Variants in AGAP1 observed in about 807,000 individuals in gnomAD.
AGAP1 encodes the protein ArfGAP with GTPase domain, ankyrin repeat and PH domain 1, also known as arf-GAP with GTPase, ANK repeat and PH domain-containing protein 1.
AGAP1 carries 29 observed loss-of-function variants against 105.3 expected under a neutral mutation model. The ratio of observed to expected loss-of-function variants is 0.28; its 90% CI spans 0.21 to 0.38. The LOEUF (loss-of-function observed/expected upper bound fraction) is 0.38, where lower values mean the gene tolerates loss of function less well. Ranked by LOEUF, AGAP1 falls within the 10% of genes least tolerant of loss-of-function variation. The probability of loss-of-function intolerance (pLI) is 1.00; values close to 1 mark genes in which losing one functional copy is unlikely to be tolerated. For missense variants in AGAP1, 998 were observed against 1,165.1 expected, an observed-to-expected ratio of 0.86 and a Z score of 2.09; for synonymous variants, 509 against 485.9, an observed-to-expected ratio of 1.05 and a Z score of -0.63.
intron 16 of AGAP1, among the ~76,000 whole-genome samples, chr2:236,106,496 C>A (rs1377564344): frequency 6.6e-6 from 1 of 152,238 alleles, no homozygotes. Flanking sequence ...GTGATGGGCA[C>A]CACACTTCTT....
chr2:235,849,440 A>AT (rs1225896421), intron 9 of AGAP1, among the ~76,000 whole-genome samples: 1 of 151,286 alleles, frequency 6.6e-6, no homozygotes, highest in Non-Finnish European at 1.5e-5. Context: ...AGTGGTGTAG[A>AT]TGATAGAAAC....
In AGAP1 at chr2:235,720,036, C is replaced by G. The variant is rs780679242; in HGVS notation, c.310+2392C>G. Among the ~76,000 whole-genome samples, 9 of 152,190 alleles carry G rather than the reference C, an allele frequency of 5.9e-5. No individual in the cohort carries two copies. Among genetic ancestry groups the G allele is most frequent in the Non-Finnish European group, 1.2e-4 (8 of 68,038 alleles). ...AGACCAGGGAATGGACTTCTACTTC[C>G]TGTTCATGTGACTGTGTGCCTCATG... is the stretch of plus-strand genomic sequence containing the variant. On this transcript the variant is annotated intron_variant, in intron 3 of 17. Transcript: ENST00000304032. The surrounding 1 kb of genome is among the most constrained non-coding windows in gnomAD (Gnocchi z 5.0).
At chr2:235,755,116 G>C (rs911263369) in intron 6 of AGAP1, among the ~76,000 whole-genome samples, 1 of 152,136 alleles carries the variant, frequency 6.6e-6, no homozygotes, top group African/African-American at 2.4e-5. Context: ...GGGCGGGCTG[G>C]ATGTGCGGAC....
intron 9 of AGAP1, among the ~76,000 whole-genome samples, chr2:235,847,789 C>T (rs534730059): frequency 2.0e-5 from 3 of 152,320 alleles, no homozygotes; most frequent in African/African-American, 7.2e-5. Context: ...CCAAGCCAAG[C>T]TCCCTGGGGC....
intron 1 of AGAP1, among the ~76,000 whole-genome samples, chr2:235,579,664 T>C (rs1311560027): frequency 6.6e-6 from 1 of 151,762 alleles, no homozygotes; most frequent in African/African-American, 2.4e-5. Context: ...TAGTCCCAGC[T>C]ACTCGGGAGG....
At chr2:235,892,016 T>A (rs1318949625) in intron 10 of AGAP1, among the ~76,000 whole-genome samples, 1 of 152,128 alleles carries the variant, frequency 6.6e-6, no homozygotes, top group South Asian at 2.1e-4. Context: ...TAACCAGGTG[T>A]GCTGGTGGGT....
chr2:235,632,149 G>A (rs1168033466), intron 1 of AGAP1, among the ~76,000 whole-genome samples: 1 of 152,216 alleles, frequency 6.6e-6, no homozygotes, highest in African/African-American at 2.4e-5. Flanking sequence ...TAGCATACAA[G>A]GTGAGAATGT....
chr2:235,737,572 G>A lies in AGAP1; in HGVS notation c.311-3391G>A, dbSNP rs924230534. Among the ~76,000 whole-genome samples, 4 of 152,172 alleles carry A rather than the reference G, an allele frequency of 2.6e-5. No individual in the cohort carries two copies. Among genetic ancestry groups the A allele is most frequent in the Non-Finnish European group, 5.9e-5 (4 of 68,024 alleles). On this transcript the variant is annotated intron_variant, in intron 3 of 17. Transcript: ENST00000304032. This position sits in a 1 kb window ranked among gnomAD's most constrained non-coding sequence, Gnocchi z 4.5. ...CTTGAATATTGTGATTCAGCCACCT[G>A]GAAGCTTCACTTGTGAACGTGACTC...
At chr2:235,684,578 G>A (rs1949279364) in intron 1 of AGAP1, among the ~76,000 whole-genome samples, 1 of 152,142 alleles carries the variant, frequency 6.6e-6, no homozygotes, top group Non-Finnish European at 1.5e-5. Flanking sequence ...CATTCATCAG[G>A]TGCAGAGCAG....
chr2:235,658,821 C>T (rs1947855113), intron 1 of AGAP1, among the ~76,000 whole-genome samples: 1 of 152,216 alleles, frequency 6.6e-6, no homozygotes, highest in African/African-American at 2.4e-5. Context: ...TTACCCCAAT[C>T]AGCCTTGAGT....
At position 235,979,731 on chromosome 2, in the gene AGAP1, A is replaced by G. The variant is rs1016967508; in HGVS notation, c.1645+11108A>G. ...GGGCTTTGCTGCAATATGAAAATCTATCAAATGGGTAAAATCAATGACATT... is the reference window on the plus strand; with the variant it reads ...GGGCTTTGCTGCAATATGAAAATCTGTCAAATGGGTAAAATCAATGACATT... On this transcript the variant is annotated intron_variant, in intron 13 of 17. Coordinates refer to ENST00000304032, the MANE Select transcript of AGAP1 (RefSeq NM_001037131.3). This position sits in a 1 kb window ranked among gnomAD's most constrained non-coding sequence, Gnocchi z 4.5. Among the ~76,000 whole-genome samples the G allele has an allele frequency of 2.6e-5, 4 of 152,232 alleles. No homozygotes were observed. The highest frequency in any genetic ancestry group is 2.1e-4 in the South Asian group (1 of 4,830).
At position 235,615,079 on chromosome 2, in the gene AGAP1, C is replaced by T. The variant is rs1433121863; in HGVS notation, c.164-94100C>T. 6.6e-6 allele frequency among the ~76,000 whole-genome samples: 1 copy of T among 152,214 alleles called. No individual in the cohort carries two copies. The highest frequency in any genetic ancestry group is 1.5e-5 in the Non-Finnish European group (1 of 68,036). ...AAAATGCAAATGATTACAGCCCCTTCCATGAAGAGTGCAAGTACGCCTGAC... is the reference window on the plus strand; with the variant it reads ...AAAATGCAAATGATTACAGCCCCTTTCATGAAGAGTGCAAGTACGCCTGAC... On this transcript the variant is annotated intron_variant, in intron 1 of 17. Transcript: ENST00000304032. The surrounding 1 kb of genome is among the most constrained non-coding windows in gnomAD (Gnocchi z 5.0).
intron 13 of AGAP1, among the ~76,000 whole-genome samples, chr2:235,991,285 A>ATATTCGGTATATTCG (rs2055554612): frequency 1.3e-5 from 2 of 152,016 alleles, no homozygotes; most frequent in Admixed American, 1.3e-4. Flanking sequence ...TACTTTATTC[A>ATATTCGGTATATTCG]GTATATTCTA....
In AGAP1 at chr2:236,036,655, C is replaced by G; in HGVS notation, c.1740C>G (p.Val580=). The stretch of plus-strand genomic sequence containing the variant: ...CGTATGAGGAGCGGGACGCCTGGGT[C>G]CAAGCCATCGAGAGCCAGATCCTGG... ...ATTYEERDAW[V]QAIESQILAS... Residue 580 remains valine, a synonymous_variant, in exon 14 of 18, where the codon GTC becomes GTG. Transcript: ENST00000304032. The surrounding 1 kb of genome is among the most constrained non-coding windows in gnomAD (Gnocchi z 5.7). 1 of 1,614,232 alleles carries G rather than the reference C, an allele frequency of 6.2e-7. No individual in the cohort carries two copies. The highest frequency in any genetic ancestry group is 8.5e-7 in the Non-Finnish European group (1 of 1,180,050).
Position 235,963,060 on chromosome 2 carries a change from G to C in AGAP1, c.1484-5402G>C, listed in dbSNP as rs184494421. On this transcript the variant is annotated intron_variant, in intron 12 of 17. Coordinates refer to ENST00000304032, the MANE Select transcript of AGAP1 (RefSeq NM_001037131.3). This position sits in a 1 kb window ranked among gnomAD's most constrained non-coding sequence, Gnocchi z 5.1. ...GTGGATGTGGAGGAAATGCTGATGG[G>C]TTGGCTGTGGTGGTCTCTTAGAGGA... Among the ~76,000 whole-genome samples, 9 of 152,306 alleles carry C rather than the reference G, an allele frequency of 5.9e-5. No homozygotes were observed. The East Asian group carries it at 1.7e-3, about 29-fold the overall frequency.
In AGAP1 at chr2:236,114,971, G is replaced by A. The variant is rs576510411; in HGVS notation, c.2115-5221G>A. 2.6e-5 allele frequency among the ~76,000 whole-genome samples: 4 copies of A among 152,210 alleles called. No individual in the cohort carries two copies. The highest frequency in any genetic ancestry group is 2.1e-4 in the South Asian group (1 of 4,812). ...GAGTCTCAGGATCCTCTGCACCCTC[G>A]GGGGAGCTCACAAGATGCCAGCAGG... On this transcript the variant is annotated intron_variant, in intron 16 of 17. Transcript: ENST00000304032. The surrounding 1 kb of genome is among the most constrained non-coding windows in gnomAD (Gnocchi z 5.0).
chr2:235,576,647 G>A (rs181962677), intron 1 of AGAP1, among the ~76,000 whole-genome samples: 22 of 152,342 alleles, frequency 1.4e-4, no homozygotes, highest in African/African-American at 5.1e-4. Flanking sequence ...GGGCAGGTTC[G>A]AGTCCCGCAG....
intron 1 of AGAP1, among the ~76,000 whole-genome samples, chr2:235,661,233 C>T (rs1003901380): frequency 2.0e-5 from 3 of 151,656 alleles, no homozygotes; most frequent in East Asian, 1.9e-4. Context: ...GATTGGCAGG[C>T]GGAGGAGAGG....
At chr2:235,554,069 G>C (rs1429770186) in intron 1 of AGAP1, among the ~76,000 whole-genome samples, 1 of 152,222 alleles carries the variant, frequency 6.6e-6, no homozygotes, top group Non-Finnish European at 1.5e-5. Flanking sequence ...CAGGAGACCT[G>C]CCGAAGGGCT....
Sources: gnomAD v4.1 joint callset for allele counts (sites outside exome capture counted in the v4.1 genomes callset) on GRCh38, gnomAD v4.1.1 for gene constraint, Gnocchi (gnomAD v3.1) non-coding constraint, MANE v1.5 for transcripts, NCBI Gene and HGNC (gene_info 2026-07-23, HGNC 2026-07-21) for gene names.